BACH2: variants seen among roughly 807,000 people sequenced by gnomAD.
The protein encoded by BACH2 is BACH transcriptional regulator 2.
BACH2 carries 5 observed loss-of-function variants against 61.8 expected under a neutral mutation model. The observed-to-expected ratio is 0.08, with a 90% confidence interval of 0.04 to 0.17. The LOEUF (loss-of-function observed/expected upper bound fraction) is 0.17, where lower values mean the gene tolerates loss of function less well. BACH2 is among the 10% of genes least tolerant of loss of function. The pLI is 1.00. For missense variants in BACH2, 824 were observed against 1,091.1 expected, an observed-to-expected ratio of 0.76 and a Z score of 3.45; for synonymous variants, 446 against 440.1, an observed-to-expected ratio of 1.01 and a Z score of -0.17.
chr6:89,974,155 T>C (rs1219144968), intron 6 of BACH2, among the ~76,000 whole-genome samples: 1 of 152,174 alleles, frequency 6.6e-6, no homozygotes. Flanking sequence ...AGTCTTACTC[T>C]TGTCATTGAA....
chr6:90,254,584 TAG>T (rs1036127757), intron 2 of BACH2, among the ~76,000 whole-genome samples: 2 of 151,952 alleles, frequency 1.3e-5, no homozygotes, highest in African/African-American at 4.8e-5. Flanking sequence ...AAAAAGGACC[TAG>T]AGCAGAAAAA....
intron 4 of BACH2, among the ~76,000 whole-genome samples, chr6:90,100,389 G>A (rs778172592): frequency 2.0e-4 from 31 of 152,178 alleles, no homozygotes; most frequent in East Asian, 3.9e-4. Context: ...TTTGGGTGTC[G>A]TTACAAAGGT....
At chr6:90,022,154 A>T (rs762113327) in intron 5 of BACH2, among the ~76,000 whole-genome samples, 2 of 152,040 alleles carry the variant, frequency 1.3e-5, no homozygotes, top group African/African-American at 4.8e-5. Flanking sequence ...ACAAGTCCCA[A>T]TTTTTTTTGC....
At chr6:90,282,048 T>C (rs1363645275) in intron 1 of BACH2, among the ~76,000 whole-genome samples, 1 of 152,192 alleles carries the variant, frequency 6.6e-6, no homozygotes, top group Non-Finnish European at 1.5e-5. Flanking sequence ...TCACAGTGTA[T>C]AAATACCTCA....
intron 4 of BACH2, among the ~76,000 whole-genome samples, chr6:90,137,393 T>C (rs1049309647): frequency 7.9e-5 from 12 of 152,160 alleles, no homozygotes; most frequent in African/African-American, 2.7e-4. Flanking sequence ...GGTTTTCAAC[T>C]GCTTAAAGAG....
chr6:90,154,611 C>CT (rs1382965606), intron 4 of BACH2, among the ~76,000 whole-genome samples: 1 of 152,106 alleles, frequency 6.6e-6, no homozygotes, highest in East Asian at 1.9e-4. Context: ...TTAAGGGACC[C>CT]TCTCTCTAAG....
At chr6:90,036,151 C>T (rs1779251780) in intron 5 of BACH2, among the ~76,000 whole-genome samples, 1 of 133,020 alleles carries the variant, frequency 7.5e-6, no homozygotes, top group East Asian at 3.0e-4. Context: ...CAGGGCATTG[C>T]TTCTCATCAG....
At chr6:90,246,185 T>C (rs1046102341) in intron 3 of BACH2, among the ~76,000 whole-genome samples, 1 of 152,194 alleles carries the variant, frequency 6.6e-6, no homozygotes, top group African/African-American at 2.4e-5. Flanking sequence ...CCAATTTTAT[T>C]CTGTTTTTCT....
chr6:90,096,889 G>A (rs746115034), intron 4 of BACH2, among the ~76,000 whole-genome samples: 1 of 152,060 alleles, frequency 6.6e-6, no homozygotes, highest in South Asian at 2.1e-4. Flanking sequence ...CATCCACCTC[G>A]TATAAAAATC....
At chr6:90,069,448 T>C (rs1475202530) in intron 5 of BACH2, among the ~76,000 whole-genome samples, 1 of 152,250 alleles carries the variant, frequency 6.6e-6, no homozygotes, top group Non-Finnish European at 1.5e-5. Context: ...CAATTTGCTA[T>C]GTCTGAGTTA....
intron 1 of BACH2, among the ~76,000 whole-genome samples, chr6:90,296,208 T>A: frequency 1.3e-5 from 2 of 151,940 alleles, no homozygotes; most frequent in Admixed American, 6.6e-5. Context: ...CAAAATACAA[T>A]GCGCCTCGGC....
intron 6 of BACH2, among the ~76,000 whole-genome samples, chr6:89,974,284 C>A (rs1315955522): frequency 6.6e-6 from 1 of 152,154 alleles, no homozygotes; most frequent in African/African-American, 2.4e-5. Flanking sequence ...AGTTTCCTCA[C>A]CTGCCATATG....
At chr6:90,284,771 T>C (rs955627240) in intron 1 of BACH2, among the ~76,000 whole-genome samples, 1 of 152,166 alleles carries the variant, frequency 6.6e-6, no homozygotes, top group East Asian at 1.9e-4. Flanking sequence ...TTCCAACCTT[T>C]CACTAAGAGC....
intron 4 of BACH2, among the ~76,000 whole-genome samples, chr6:90,150,937 A>G (rs147558782): frequency 6.6e-6 from 1 of 152,320 alleles, no homozygotes; most frequent in Non-Finnish European, 1.5e-5. Context: ...CATGGCCACC[A>G]CAGTCACTGT....
intron 6 of BACH2, among the ~76,000 whole-genome samples, chr6:89,958,394 G>A (rs956548729): frequency 2.6e-5 from 4 of 152,234 alleles, no homozygotes; most frequent in Non-Finnish European, 5.9e-5. Flanking sequence ...TACCAGCTGT[G>A]TCACTTGGGC....
chr6:89,989,340 A>G (rs1776413743), intron 6 of BACH2, among the ~76,000 whole-genome samples: 1 of 152,120 alleles, frequency 6.6e-6, no homozygotes, highest in South Asian at 2.1e-4. Flanking sequence ...CCACCACTTG[A>G]CTTTCTGTTT....
At chr6:90,170,958 GACAGCCTAATGTCCAC>G (rs1331361807) in intron 4 of BACH2, among the ~76,000 whole-genome samples, 1 of 151,932 alleles carries the variant, frequency 6.6e-6, no homozygotes, top group Non-Finnish European at 1.5e-5. Flanking sequence ...GAGACAAAGG[GACAGCCTAATGTCCAC>G]ACAGGAAGGT....
chr6:90,166,201 A>C (rs9766873), intron 4 of BACH2, among the ~76,000 whole-genome samples: 5,522 of 152,182 alleles, frequency 0.036, 150 homozygotes, highest in East Asian at 0.089. Context: ...AGAACTCCAA[A>C]AAATTTACAA....
At chr6:90,018,496 A>G (rs1453794159) in intron 5 of BACH2, among the ~76,000 whole-genome samples, 1 of 152,126 alleles carries the variant, frequency 6.6e-6, no homozygotes, top group Non-Finnish European at 1.5e-5. Flanking sequence ...AAAAATCATT[A>G]TTTCATATAT....
Sources: gnomAD v4.1 joint callset for allele counts (sites outside exome capture counted in the v4.1 genomes callset) on GRCh38, gnomAD v4.1.1 for gene constraint, MANE v1.5 for transcripts, NCBI Gene and HGNC (gene_info 2026-07-23, HGNC 2026-07-21) for gene names.